Variants in TJP1 observed in about 807,000 individuals in gnomAD.
TJP1 encodes tight junction protein 1, also known as tight junction protein ZO-1.
In TJP1, 43 loss-of-function variants were observed where a neutral mutation model predicts 194.2. The observed-to-expected ratio is 0.22, with a 90% CI of 0.17 to 0.29. TJP1 has a LOEUF of 0.29. TJP1 is among the 10% of genes least tolerant of loss of function. The probability of loss-of-function intolerance (pLI) is 1.00; values close to 1 mark genes in which losing one functional copy is unlikely to be tolerated. For synonymous variants in TJP1, 801 were observed against 779.0 expected (o/e 1.03, Z -0.47); for missense variants, 1,971 against 2,185.7 (o/e 0.90, Z 1.96).
intron 2 of TJP1, among the ~76,000 whole-genome samples, chr15:29,928,829 C>T (rs1201294582): frequency 6.6e-6 from 1 of 152,042 alleles, no homozygotes; most frequent in African/African-American, 2.4e-5. Context: ...GTAGTCCCAG[C>T]TACTCGGGAG....
chr15:29,892,169 T>C (rs950425073), intron 2 of TJP1, among the ~76,000 whole-genome samples: 2 of 152,216 alleles, frequency 1.3e-5, no homozygotes, highest in East Asian at 1.9e-4. Flanking sequence ...GGATAGAAGA[T>C]CAAACCAGCC....
chr15:29,817,655 T>A (rs1051570780), intron 1 of TJP1, among the ~76,000 whole-genome samples: 5 of 152,070 alleles, frequency 3.3e-5, no homozygotes, highest in Non-Finnish European at 7.4e-5. Context: ...TATGCAGCCA[T>A]AAAAAAGAAT....
At chr15:29,817,298 G>A (rs1048904902) in intron 1 of TJP1, among the ~76,000 whole-genome samples, 4 of 152,266 alleles carry the variant, frequency 2.6e-5, no homozygotes, top group Non-Finnish European at 5.9e-5. Flanking sequence ...TCTTACACCC[G>A]TCAGAATGGT....
intron 2 of TJP1, among the ~76,000 whole-genome samples, chr15:29,781,294 T>C (rs1349591255): frequency 6.6e-6 from 1 of 151,932 alleles, no homozygotes; most frequent in African/African-American, 2.4e-5. Flanking sequence ...TCTCTGAACA[T>C]ACCAGTAACA....
intron 2 of TJP1, among the ~76,000 whole-genome samples, chr15:29,907,138 G>A (rs570593794): frequency 3.0e-4 from 46 of 151,920 alleles, no homozygotes; most frequent in Non-Finnish European, 5.9e-4. Context: ...GGCCAGGTAC[G>A]GTGGCTCATG....
At chr15:29,730,638 G>A (rs1392368305) in intron 15 of TJP1, 12 of 650,252 alleles carry the variant, frequency 1.8e-5, no homozygotes, top group Middle Eastern at 3.2e-4. Flanking sequence ...AGGCGAGAAC[G>A]ACCCCCGGAC....
intron 2 of TJP1, among the ~76,000 whole-genome samples, chr15:29,877,534 TTCTTC>T (rs963664507): frequency 9.9e-5 from 15 of 152,116 alleles, no homozygotes; most frequent in Admixed American, 3.9e-4. Flanking sequence ...ATTATTTCTT[TTCTTC>T]TCTTCTCTTT....
chr15:29,771,511 G>A (rs1370292341), intron 4 of TJP1, among the ~76,000 whole-genome samples: 1 of 152,152 alleles, frequency 6.6e-6, no homozygotes, highest in Non-Finnish European at 1.5e-5. Context: ...AAGCCAAAAA[G>A]AGGTAACTAT....
rs374835623 is a variant in TJP1, at chr15:29,796,218, A to C, written c.84+4428T>G. ...AAGAAAAAGAAATAAAGAGCATTCA[A>C]AAGGAGGGAAAAAAACTGCCTCTAT... On this transcript the variant is annotated intron_variant, in intron 2 of 27. Transcript: ENST00000614355. 2.0e-5 allele frequency among the ~76,000 whole-genome samples: 3 copies of C among 152,190 alleles called. No individual in the cohort carries two copies. The South Asian group carries it at 6.2e-4, about 32-fold the overall frequency.
chr15:29,741,897 C>T (rs1236624343), intron 9 of TJP1, among the ~76,000 whole-genome samples: 1 of 152,176 alleles, frequency 6.6e-6, no homozygotes, highest in African/African-American at 2.4e-5. Context: ...TAGCACCTTG[C>T]TGATTCTGTT....
intron 2 of TJP1, among the ~76,000 whole-genome samples, chr15:29,903,044 G>A (rs956750948): frequency 1.3e-5 from 2 of 151,958 alleles, no homozygotes; most frequent in African/African-American, 4.8e-5. Context: ...TTACAGGCAA[G>A]CCCAGCCTCT....
chr15:29,770,507 A>C (rs1313209224), intron 4 of TJP1, among the ~76,000 whole-genome samples: 1 of 151,904 alleles, frequency 6.6e-6, no homozygotes, highest in Non-Finnish European at 1.5e-5. Context: ...CTCCATCAGG[A>C]GATCGACACC....
intron 18 of TJP1, among the ~76,000 whole-genome samples, chr15:29,721,216 C>A (rs2042909756): frequency 6.6e-6 from 1 of 152,120 alleles, no homozygotes; most frequent in Non-Finnish European, 1.5e-5. Flanking sequence ...GTGTTCCCAC[C>A]CAAATCTCAT....
At chr15:29,770,810 CTAAGG>C (rs2046621149) in intron 4 of TJP1, among the ~76,000 whole-genome samples, 1 of 151,614 alleles carries the variant, frequency 6.6e-6, no homozygotes, top group Non-Finnish European at 1.5e-5. Flanking sequence ...TTTCAGTAAG[CTAAGG>C]TTTATTATTG....
rs71416436 is a variant in TJP1 at position 29,833,857 on chromosome 15, G to GTATA, written c.307-33159_307-33156dup. ...TAAAGATGCAATATAATTTTTGTAA[G>GTATA]TATATATATATATATATATATATAT... On this transcript the variant is annotated intron_variant, in intron 2 of 28. Coordinates refer to the TJP1 transcript ENST00000356107. Among the ~76,000 whole-genome samples, 60 of 25,830 alleles carry GTATA rather than the reference G, an allele frequency of 2.3e-3. 2 individuals are homozygous for GTATA. The highest frequency in any genetic ancestry group is 9.8e-3 in the South Asian group (5 of 508). The allele number at this position is 25,830 out of a possible 152,430, so 16.9% of individuals were successfully genotyped here.
intron 1 of TJP1, among the ~76,000 whole-genome samples, chr15:29,811,305 G>A (rs537276420): frequency 6.6e-5 from 10 of 151,810 alleles, no homozygotes; most frequent in African/African-American, 1.9e-4. Context: ...GGGGGAGAGC[G>A]GAGAGAAACT....
chr15:29,804,275 G>A (rs1325639830), intron 1 of TJP1, among the ~76,000 whole-genome samples: 3 of 152,040 alleles, frequency 2.0e-5, no homozygotes, highest in African/African-American at 4.8e-5. Context: ...TTAGTGGTTG[G>A]GATTCAGGTA....
At chr15:29,920,504 T>C (rs1522792) in intron 2 of TJP1, among the ~76,000 whole-genome samples, 28,958 of 152,154 alleles carry the variant, frequency 0.19, 2,868 homozygotes, top group East Asian at 0.35. Context: ...GATGTTTCAA[T>C]GATCGGATAA....
chr15:29,891,832 T>G (rs772183612), intron 2 of TJP1, among the ~76,000 whole-genome samples: 1 of 152,128 alleles, frequency 6.6e-6, no homozygotes, highest in Non-Finnish European at 1.5e-5. Flanking sequence ...GCCTCCTTAT[T>G]CCCTGAGATA....
Sources: gnomAD v4.1 joint callset for allele counts (sites outside exome capture counted in the v4.1 genomes callset) on GRCh38, gnomAD v4.1.1 for gene constraint, MANE v1.5 for transcripts, NCBI Gene and HGNC (gene_info 2026-07-23, HGNC 2026-07-21) for gene names.